The following ATF5 variants were observed in gnomAD, a reference collection of about 807,000 sequenced individuals.
ATF5 encodes the protein activating transcription factor 5.
In ATF5, 6 loss-of-function variants were observed where a neutral mutation model predicts 4.6. The observed-to-expected ratio is 1.31, with a 90% CI of 0.72 to 2.59. The LOEUF (loss-of-function observed/expected upper bound fraction) is 2.59. Among genes scored for constraint, ATF5 ranks in the 30% most tolerant of loss-of-function variants. The pLI, the probability that ATF5 is intolerant of heterozygous loss-of-function variation, is 0.00. For synonymous variants in ATF5, 193 were observed against 165.0 expected (o/e 1.17, Z -1.30); for missense variants, 410 against 368.7 (o/e 1.11, Z -0.92).
chr19:49,931,014 G>T lies in ATF5; in HGVS notation c.164G>T (p.Gly55Val). 6.5e-7 allele frequency: 1 copy of T among 1,549,622 alleles called. No individual in the cohort carries two copies. Among genetic ancestry groups the T allele is most frequent in the Non-Finnish European group, 8.7e-7 (1 of 1,145,928 alleles). The change falls in exon 2 of 3, where the codon GGA (glycine) becomes GTA (valine). Residue 55 changes from glycine to valine, a missense_variant. Coordinates refer to ENST00000423777, the MANE Select transcript of ATF5 (RefSeq NM_001193646.2). ...CTGGAGGGCGGGCTTCCAGTGGGGG[G>T]AGAGCCCCTGGCAGGTAAGGGCAGG... ...GALEGGLPVG[G>V]EPLAGDGFSD... is the part of the protein sequence containing the mutation.
Position 49,932,604 on chromosome 19 carries a change from C to T in ATF5, c.361C>T (p.Pro121Ser), listed in dbSNP as rs2076075182. Residue 121 changes from proline (P) to serine (S), a missense_variant, in exon 3 of 3, where the codon CCC becomes TCC. Coordinates refer to ENST00000423777, the MANE Select transcript of ATF5 (RefSeq NM_001193646.2). Reference protein sequence around the residue: ...QMEDFFLDAPPLPPPSPPPLP... With the variant: ...QMEDFFLDAPSLPPPSPPPLP... ...GGAAGACTTCTTCCTAGATGCCCCG[C>T]CCCTCCCACCACCCTCCCCGCCGCC... The T allele has an allele frequency of 6.4e-7, 1 of 1,563,110 alleles. No homozygotes were observed. Among genetic ancestry groups the T allele is most frequent in the Admixed American group, 1.8e-5 (1 of 54,384 alleles).
chr19:49,932,301 GGTTA>G (rs1331440592), intron 2 of ATF5, 117 bp from the exon 3 acceptor site: 9 of 907,142 alleles, frequency 9.9e-6, no homozygotes, highest in Admixed American at 3.6e-5. Context: ...ATGATTCAGT[GGTTA>G]GTTGTTTTAC....
At chr19:49,930,169 GGAGGGGCGGAGCTAAATAAACAAT>G (rs1041696093) in intron 1 of ATF5, 5 of 152,048 alleles carry the variant, frequency 3.3e-5, no homozygotes, top group African/African-American at 7.2e-5. Context: ...GGGAATCGGG[GGAGGGGCGGAGCTAAATAAACAAT>G]GAGGGGCGGG....
At chr19:49,928,981 C>A (rs1020785015), upstream of ATF5, 1 of 152,566 alleles carries the variant, frequency 6.6e-6, no homozygotes, top group Non-Finnish European at 1.5e-5. Flanking sequence ...AAGGAGAGGG[C>A]TGGATCCCCG....
intron 2 of ATF5, 28 bp downstream of exon 2, chr19:49,931,056 G>C: frequency 2.0e-6 from 3 of 1,482,330 alleles, no homozygotes; most frequent in Non-Finnish European, 2.7e-6. Flanking sequence ...GTGGAGCTGG[G>C]GAGTGGAGGG....
chr19:49,930,115 G>A (rs1433687188), intron 1 of ATF5: 1 of 151,486 alleles, frequency 6.6e-6, no homozygotes, highest in Non-Finnish European at 1.5e-5. Context: ...CCAACCGTTA[G>A]TTGAGGGGTG....
At position 49,932,799 on chromosome 19, in the gene ATF5, C is replaced by T. The variant is rs1397095166; in HGVS notation, c.556C>T (p.Pro186Ser). The change falls in exon 3 of 3, where the codon CCC (proline) becomes TCC (serine). Residue 186 changes from proline (P) to serine (S), a missense_variant. Pro to Ser is a moderately conservative substitution (Grantham distance 74, BLOSUM62 -1). Coordinates refer to ENST00000423777, the MANE Select transcript of ATF5 (RefSeq NM_001193646.2). Reference sequence around the variant, plus strand: ...GCCGCCTCTGCCCCCGCCACAGCAGCCCCCTCCTCCTTCTCCACCTCAACC... The same window carrying T: ...GCCGCCTCTGCCCCCGCCACAGCAGTCCCCTCCTCCTTCTCCACCTCAACC... ...GMPPLPPPQQ[P>S]PPPSPPQPSR... The T allele has an allele frequency of 3.7e-6, 6 of 1,608,312 alleles. No homozygotes were observed. The highest frequency in any genetic ancestry group is 1.3e-5 in the African/African-American group (1 of 74,568).
At position 49,932,680 on chromosome 19, in the gene ATF5, C is replaced by G; in HGVS notation, c.437C>G (p.Pro146Arg). Residue 146 changes from proline (P) to arginine (R), a missense_variant, in exon 3 of 3, where the codon CCC becomes CGC. Coordinates refer to ENST00000423777, the MANE Select transcript of ATF5 (RefSeq NM_001193646.2). ...GCCCCCTCCCTCCCCCTGTCCCTCCCCTCCTTTGACCTCCCCCAGCCCCCT... is the reference window on the plus strand; with the variant it reads ...GCCCCCTCCCTCCCCCTGTCCCTCCGCTCCTTTGACCTCCCCCAGCCCCCT... ...PPAPSLPLSL[P>R]SFDLPQPPVL... 2 of 1,573,472 alleles carry G rather than the reference C, an allele frequency of 1.3e-6. No individual in the cohort carries two copies. The highest frequency in any genetic ancestry group is 8.6e-7 in the Non-Finnish European group (1 of 1,158,392).
rs1367164505 is a variant in ATF5 at position 49,930,726 on chromosome 19, G to GT, written c.-119-5dup. ...GACCACACCCACTCTTGTCTCACGC[G>GT]TGTAGGTCTTCCACTTTCGCCTTGG... On this transcript the variant is annotated splice_region_variant and splice_polypyrimidine_tract_variant and intron_variant, in intron 1 of 2. Transcript: ENST00000423777. 15 of 766,654 alleles carry GT rather than the reference G, an allele frequency of 2.0e-5. No individual in the cohort carries two copies. The highest frequency in any genetic ancestry group is 2.8e-5 in the Non-Finnish European group (14 of 496,480). The allele number at this position is 766,654 out of a possible 1,614,324, so 47.5% of individuals were successfully genotyped here.
In ATF5 at chr19:49,932,471, C is replaced by T. The variant is rs1600592082; in HGVS notation, c.228C>T (p.Leu76=). 6.2e-7 allele frequency: 1 copy of T among 1,613,616 alleles called. No homozygotes were observed. The highest frequency in any genetic ancestry group is 8.5e-7 in the Non-Finnish European group (1 of 1,179,720). ...CTGAGCGAGTTGATTTCACAGCTCT[C>T]CTCCCTCTGGAGCCTCCCTTACCCC... ...WMTERVDFTA[L]LPLEPPLPPG... The change falls in exon 3 of 3, where the codon CTC becomes CTT. Residue 76 remains leucine (L), a synonymous_variant. Transcript: ENST00000423777.
rs560422451 is a variant in ATF5, at chr19:49,932,666, C to A, written c.423C>A (p.Leu141=). The stretch of plus-strand genomic sequence containing the variant: ...CACCACTACCACCAGCCCCCTCCCT[C>A]CCCCTGTCCCTCCCCTCCTTTGACC... The part of the protein sequence containing the change: ...PPPPLPPAPS[L]PLSLPSFDLP... Residue 141 remains leucine, a synonymous_variant, in exon 3 of 3, where the codon CTC becomes CTA. Transcript: ENST00000423777. 14 of 1,493,842 alleles carry A rather than the reference C, an allele frequency of 9.4e-6. No individual in the cohort carries two copies. The highest frequency in any genetic ancestry group is 2.4e-4 in the Middle Eastern group (1 of 4,240). 92.5% of individuals were successfully genotyped at this position (1,493,842 alleles called of 1,614,324 possible).
rs140494656 is a variant in ATF5, at chr19:49,932,957, C to T, written c.714C>T (p.Gly238=). The T allele has an allele frequency of 9.3e-6, 15 of 1,613,822 alleles. No homozygotes were observed. Among genetic ancestry groups the T allele is most frequent in the African/African-American group, 6.7e-5 (5 of 74,910 alleles). The change falls in exon 3 of 3, where the codon GGC becomes GGT. Residue 238 remains glycine, a synonymous_variant. Transcript: ENST00000423777. ...GGGCAGAGGGTGAGGCCCTGGAGGG[C>T]GAGTGCCAGGGGCTGGAGGCACGGA... ...RKRAEGEALE[G]ECQGLEARNR... is the part of the protein sequence containing the mutation.
chr19:49,932,754 G>T lies in ATF5; in HGVS notation c.511G>T (p.Gly171Trp), dbSNP rs199511899. The T allele has an allele frequency of 2.0e-4, 318 of 1,601,844 alleles. 5 individuals are homozygous for T. The East Asian group carries it at 4.6e-3, about 23-fold the overall frequency. Residue 171 changes from glycine (G) to tryptophan (W), a missense_variant, in exon 3 of 3, where the codon GGG becomes TGG. Gly to Trp is a radical substitution (Grantham distance 184). Transcript: ENST00000423777. ...GGCCATCTACTGCCGCAACGAGGCCGGGCAGGAGGAAGTGGGGATGCCGCC... is the reference window on the plus strand; with the variant it reads ...GGCCATCTACTGCCGCAACGAGGCCTGGCAGGAGGAAGTGGGGATGCCGCC... Reference protein sequence around the residue: ...LLAIYCRNEAGQEEVGMPPLP... With the variant: ...LLAIYCRNEAWQEEVGMPPLP...
At position 49,932,875 on chromosome 19, in the gene ATF5, A is replaced by T. The variant is rs199986421; in HGVS notation, c.632A>T (p.Lys211Met). 4 of 1,613,388 alleles carry T rather than the reference A, an allele frequency of 2.5e-6. No homozygotes were observed. The African/African-American group carries it at 5.3e-5, about 22-fold the overall frequency. ...CCTGCCACCACCCGAGGGGACCGCA[A>T]GCAAAAGAAGAGAGACCAGAACAAG... is the stretch of plus-strand genomic sequence containing the variant. ...PHPATTRGDRKQKKRDQNKSA... is the reference protein window; with the variant it reads ...PHPATTRGDRMQKKRDQNKSA... The change falls in exon 3 of 3, where the codon AAG becomes ATG. Residue 211 changes from lysine to methionine, a missense_variant. By Grantham distance (95) the Lys-to-Met change is moderately conservative. Transcript: ENST00000423777.
At chr19:49,931,057 G>T in intron 2 of ATF5, 29 bp downstream of exon 2, 6 of 1,482,568 alleles carry the variant, frequency 4.0e-6, no homozygotes, top group Non-Finnish European at 4.5e-6. Flanking sequence ...TGGAGCTGGG[G>T]AGTGGAGGGC....
In ATF5 at chr19:49,932,837, C is replaced by T; in HGVS notation, c.594C>T (p.Ala198=). ...PPSPPQPSRL[A]PYPHPATTRG... ...CTCCACCTCAACCTTCTCGCCTGGC[C>T]CCCTACCCACATCCTGCCACCACCC... The change falls in exon 3 of 3, where the codon GCC becomes GCT. Residue 198 remains alanine (A), a synonymous_variant. Transcript: ENST00000423777. 1 of 1,611,312 alleles carries T rather than the reference C, an allele frequency of 6.2e-7. No individual in the cohort carries two copies.
intron 1 of ATF5, chr19:49,930,362 G>T (rs1205221757): frequency 6.5e-6 from 1 of 153,412 alleles, no homozygotes; most frequent in Non-Finnish European, 1.5e-5. Context: ...GGCGTGGCTG[G>T]AAGAAAATGT....
chr19:49,932,452 G>A lies in ATF5; in HGVS notation c.209G>A (p.Arg70Gln), dbSNP rs1224706465. The A allele has an allele frequency of 2.0e-5, 33 of 1,613,648 alleles. No individual in the cohort carries two copies. The highest frequency in any genetic ancestry group is 2.7e-5 in the African/African-American group (2 of 74,882). Residue 70 changes from arginine (R) to glutamine (Q), a missense_variant, in exon 3 of 3, where the codon CGA (arginine) becomes CAA (glutamine). Coordinates refer to ENST00000423777, the MANE Select transcript of ATF5 (RefSeq NM_001193646.2). ...GDGFSDWMTERVDFTALLPLE... is the reference protein window; with the variant it reads ...GDGFSDWMTEQVDFTALLPLE... ...GGCTTCTCTGACTGGATGACTGAGC[G>A]AGTTGATTTCACAGCTCTCCTCCCT... is the stretch of plus-strand genomic sequence containing the variant.
At chr19:49,930,558 A>G (rs1443364035) in intron 1 of ATF5, 174 bp from the exon 2 acceptor site, 1 of 336,642 alleles carries the variant, frequency 3.0e-6, no homozygotes, top group African/African-American at 2.1e-5. Context: ...ATTTGGGTAA[A>G]GAAAGGGCAA....
Sources: gnomAD v4.1 joint callset for allele counts on GRCh38, gnomAD v4.1.1 for gene constraint, MANE v1.5 for transcripts, NCBI Gene and HGNC (gene_info 2026-07-23, HGNC 2026-07-21) for gene names.